PLOD1: variants seen among roughly 807,000 people sequenced by gnomAD.
PLOD1 encodes procollagen-lysine,2-oxoglutarate 5-dioxygenase 1.
In PLOD1, 70 loss-of-function variants were observed where a neutral mutation model predicts 94.7. The ratio of observed to expected loss-of-function variants is 0.74; its 90% CI spans 0.61 to 0.90. The LOEUF (loss-of-function observed/expected upper bound fraction) is 0.90, where lower values mean the gene tolerates loss of function less well. Ranked by LOEUF, PLOD1 falls within the 40% of genes least tolerant of loss-of-function variation. The pLI, the probability that PLOD1 is intolerant of heterozygous loss-of-function variation, is 0.00. For missense variants in PLOD1, 905 were observed against 972.7 expected, an observed-to-expected ratio of 0.93 and a Z score of 0.93; for synonymous variants, 417 against 400.2, an observed-to-expected ratio of 1.04 and a Z score of -0.50.
At chr1:11,954,196 G>GC in intron 5 of PLOD1, 2 of 152,006 alleles carry the variant, frequency 1.3e-5, no homozygotes, top group South Asian at 1.4e-4. Context: ...GCGGCCAGGT[G>GC]CGGTGGCTCA....
chr1:11,945,802 G>C (rs998226608), intron 1 of PLOD1, among the ~76,000 whole-genome samples: 1 of 152,144 alleles, frequency 6.6e-6, no homozygotes, highest in African/African-American at 2.4e-5. Context: ...TCTACCTTCT[G>C]GGTTCAAGCA....
chr1:11,950,629 G>A, intron 4 of PLOD1, 109 bp downstream of exon 4: 8 of 937,518 alleles, frequency 8.5e-6, no homozygotes, highest in South Asian at 1.4e-5. Context: ...CAGGTCTCCA[G>A]TGCAGAATGT....
Position 11,960,858 on chromosome 1 carries a change from C to T in PLOD1, c.1097+91C>T. The T allele has an allele frequency of 3.8e-6, 6 of 1,579,706 alleles. No homozygotes were observed. In the South Asian group the frequency reaches 5.6e-5, roughly 15 times the overall value. ...AGCAGCAGGCTGAGTGACAGGAGTT[C>T]AGAAGGCTGTGTGTGCTCTAGCAAG... On this transcript the variant is annotated intron_variant, in intron 10 of 18. Transcript: ENST00000196061.
intron 6 of PLOD1, 103 bp from the exon 7 acceptor site, chr1:11,956,814 A>T: frequency 1.3e-6 from 1 of 787,582 alleles, no homozygotes; most frequent in South Asian, 1.3e-5. Flanking sequence ...GCCCGAGGAC[A>T]TAATCTACTC....
intron 15 of PLOD1, among the ~76,000 whole-genome samples, chr1:11,966,724 G>A (rs1010891423): frequency 7.2e-5 from 11 of 152,058 alleles, no homozygotes; most frequent in African/African-American, 1.2e-4. Context: ...TGCTTCCCCC[G>A]AGCCTGGGGC....
chr1:11,959,954 G>GA (rs1228556109), intron 9 of PLOD1, among the ~76,000 whole-genome samples: 36 of 146,864 alleles, frequency 2.5e-4, no homozygotes, highest in Middle Eastern at 3.5e-3. Flanking sequence ...TTTTGAGATG[G>GA]AGTCTTGCTG....
At chr1:11,967,619 A>G (rs1645830018) in intron 16 of PLOD1, among the ~76,000 whole-genome samples, 1 of 115,168 alleles carries the variant, frequency 8.7e-6, no homozygotes, top group African/African-American at 3.4e-5. Context: ...ATATATAAAA[A>G]GAAATATATA....
chr1:11,964,614 A>AC, intron 12 of PLOD1, 30 bp from the exon 13 acceptor site: 1 of 1,605,088 alleles, frequency 6.2e-7, no homozygotes, highest in Non-Finnish European at 8.5e-7. Flanking sequence ...CCAGCCTCTG[A>AC]CCCCCACCCG....
Position 11,967,085 on chromosome 1 carries a change from C to G in PLOD1, c.1749C>G (p.Asn583Lys). 1 of 1,602,676 alleles carries G rather than the reference C, an allele frequency of 6.2e-7. No individual in the cohort carries two copies. Residue 583 changes from asparagine (N) to lysine (K), a missense_variant, in exon 16 of 19, where the codon AAC becomes AAG. Physicochemically the swap from Asn to Lys is moderately conservative, Grantham distance 94 (BLOSUM62 0). Transcript: ENST00000196061. ...ACTTTGGCCAGTGGTCTCTGGGCAACAACAAGGTGGGACCCTGATGCCTGG... is the reference window on the plus strand; with the variant it reads ...ACTTTGGCCAGTGGTCTCTGGGCAAGAACAAGGTGGGACCCTGATGCCTGG... ...MEHFGQWSLG[N>K]NKDNRIQGGY...
intron 10 of PLOD1, among the ~76,000 whole-genome samples, chr1:11,962,279 T>TC (rs796212807): frequency 0.049 from 6,862 of 138,754 alleles, 604 homozygotes; most frequent in African/African-American, 0.18. Context: ...GTTTTCTTTT[T>TC]TTTTTTTTTT....
chr1:11,973,085 G>T (rs1261271235), intron 18 of PLOD1, 88 bp downstream of exon 18: 2 of 1,490,894 alleles, frequency 1.3e-6, no homozygotes, highest in Non-Finnish European at 1.9e-6. Context: ...TTGAGGCAGA[G>T]GGGCCCCAGG....
Position 11,967,148 on chromosome 1 carries a change from G to T in PLOD1, c.1755+57G>T. Reference sequence around the variant, plus strand: ...GGGAGGCTGCCTCTCCATCAGTGCCGCTCACTGTCTGGGGTCTTCTGGCAA... The same window carrying T: ...GGGAGGCTGCCTCTCCATCAGTGCCTCTCACTGTCTGGGGTCTTCTGGCAA... On this transcript the variant is annotated intron_variant, in intron 16 of 18. Coordinates refer to ENST00000196061, the MANE Select transcript of PLOD1 (RefSeq NM_000302.4). The T allele has an allele frequency of 3.6e-6, 4 of 1,107,132 alleles. No individual in the cohort carries two copies. In the South Asian group the frequency reaches 5.0e-5, roughly 14 times the overall value. The allele number at this position is 1,107,132 out of a possible 1,614,324, so 68.6% of individuals were successfully genotyped here. A position where few individuals can be genotyped will look rare whatever the true frequency, so the allele number is the denominator to read the frequency against.
intron 12 of PLOD1, 145 bp downstream of exon 12, chr1:11,964,445 C>A: frequency 1.0e-6 from 1 of 985,550 alleles, no homozygotes; most frequent in Admixed American, 1.8e-5. Context: ...CAGTTAGACA[C>A]ACAGAAGGAC....
intron 1 of PLOD1, among the ~76,000 whole-genome samples, chr1:11,936,615 T>A (rs1014856504): frequency 2.0e-5 from 3 of 151,312 alleles, no homozygotes; most frequent in African/African-American, 7.3e-5. Context: ...CTCTGTCTCC[T>A]GGGTTCAAGC....
In PLOD1 at chr1:11,948,001, C is replaced by A; in HGVS notation, c.102C>A (p.Ala34=). 1 of 1,613,366 alleles carries A rather than the reference C, an allele frequency of 6.2e-7. No homozygotes were observed. Among genetic ancestry groups the A allele is most frequent in the Non-Finnish European group, 8.5e-7 (1 of 1,179,314 alleles). The change falls in exon 2 of 19, where the codon GCC becomes GCA. Residue 34 remains alanine (A), a synonymous_variant. Coordinates refer to ENST00000196061, the MANE Select transcript of PLOD1 (RefSeq NM_000302.4). ...PEDNLLVLTV[A]TKETEGFRRF... The stretch of plus-strand genomic sequence containing the variant: ...ACAACCTTTTAGTCCTCACGGTGGC[C>A]ACTAAGGAGACCGAGGGATTCCGTC...
At chr1:11,956,807 C>T (rs1223828257) in intron 6 of PLOD1, 110 bp from the exon 7 acceptor site, 15 of 775,712 alleles carry the variant, frequency 1.9e-5, no homozygotes, top group East Asian at 7.3e-5. Context: ...GTGACTTGCC[C>T]GAGGACATAA....
rs2273290 is a variant in PLOD1 at position 11,958,321 on chromosome 1, C to G, written c.844-195C>G. On this transcript the variant is annotated intron_variant, in intron 8 of 18. Transcript: ENST00000196061. The surrounding 1 kb of genome is among the most constrained non-coding windows in gnomAD (Gnocchi z 4.3). ...GTTCCAGGCCTGGGCTCCTGCTGCTCTCTCCCCGGGGCACCCTCCTGCTGC... is the reference window on the plus strand; with the variant it reads ...GTTCCAGGCCTGGGCTCCTGCTGCTGTCTCCCCGGGGCACCCTCCTGCTGC... 0.28 allele frequency among the ~76,000 whole-genome samples: 42,704 copies of G among 151,964 alleles called. 7,051 individuals are homozygous for G. The highest frequency in any genetic ancestry group is 0.44 in the South Asian group (2,126 of 4,814).
intron 4 of PLOD1, 91 bp downstream of exon 4, chr1:11,950,611 G>A (rs951903545): frequency 1.7e-6 from 2 of 1,154,764 alleles, no homozygotes; most frequent in Non-Finnish European, 2.6e-6. Context: ...TGCAATCTGG[G>A]TGTCTCACAG....
chr1:11,964,323 T>TGGGTGGGGGGG, intron 12 of PLOD1, 23 bp downstream of exon 12: 1 of 274,732 alleles, frequency 3.6e-6, no homozygotes, highest in Admixed American at 4.2e-5. Context: ...AGGGTGGGGG[T>TGGGTGGGGGGG]GGGTGGGGGA....
Sources: allele counts gnomAD v4.1 joint callset (sites outside exome capture counted in the v4.1 genomes callset), GRCh38; gene constraint gnomAD v4.1.1; non-coding constraint Gnocchi (gnomAD v3.1); transcripts MANE v1.5; gene names NCBI Gene and HGNC (gene_info 2026-07-23, HGNC 2026-07-21).